The following ADCY9 variants were observed in gnomAD, a reference collection of about 807,000 sequenced individuals.
The protein encoded by ADCY9 is adenylate cyclase 9.
A neutral mutation model predicts 101.5 loss-of-function variants in ADCY9; 50 were observed. That is an observed-to-expected ratio of 0.49 (90% CI 0.39 to 0.62). The LOEUF (loss-of-function observed/expected upper bound fraction) is 0.62. Among genes scored for constraint, ADCY9 ranks in the 20% least tolerant of loss-of-function variants. The probability of loss-of-function intolerance (pLI) is 0.00; values close to 1 mark genes in which losing one functional copy is unlikely to be tolerated. For missense variants in ADCY9, 1,662 were observed against 1,800.4 expected (o/e 0.92, Z 1.39); for synonymous variants, 905 against 769.3 (o/e 1.18, Z -2.92).
intron 2 of ADCY9, among the ~76,000 whole-genome samples, chr16:4,100,839 G>A (rs996718319): frequency 4.0e-5 from 6 of 151,874 alleles, no homozygotes; most frequent in Non-Finnish European, 7.4e-5. Flanking sequence ...AAACACACAC[G>A]GCTCCCAGGA....
intron 2 of ADCY9, among the ~76,000 whole-genome samples, chr16:4,056,754 C>G (rs999761060): frequency 2.0e-5 from 3 of 152,214 alleles, no homozygotes; most frequent in Admixed American, 6.5e-5. Flanking sequence ...CATAGTAAGA[C>G]TTCAACAAAT....
chr16:4,051,884 A>C (rs2056704077), intron 2 of ADCY9, among the ~76,000 whole-genome samples: 1 of 152,230 alleles, frequency 6.6e-6, no homozygotes, highest in South Asian at 2.1e-4. Flanking sequence ...AAGCTTAATG[A>C]GAAACAGGAT....
intron 2 of ADCY9, among the ~76,000 whole-genome samples, chr16:4,055,466 A>G (rs2056731435): frequency 6.6e-6 from 1 of 151,872 alleles, no homozygotes; most frequent in Admixed American, 6.6e-5. Context: ...CCCAGGAGGT[A>G]GAGGTTGCAG....
intron 3 of ADCY9, among the ~76,000 whole-genome samples, chr16:3,995,605 T>C (rs2601793): frequency 0.011 from 1,018 of 93,460 alleles, 8 homozygotes; most frequent in Non-Finnish European, 0.02. Context: ...AGAAATATAT[T>C]TTTTTTTTTT....
At chr16:3,990,190 C>G (rs992132900) in intron 5 of ADCY9, among the ~76,000 whole-genome samples, 2 of 152,240 alleles carry the variant, frequency 1.3e-5, no homozygotes, top group African/African-American at 4.8e-5. Flanking sequence ...CGAGGCTGGG[C>G]GCGGTGGCTC....
rs1456924971 is a variant in ADCY9, at chr16:3,992,236, C to A, written c.2117G>T (p.Ser706Ile). ...LQEKGRWAGV[S>I]LDQSALLPLR... The stretch of plus-strand genomic sequence containing the variant: ...CGGAAGGAGAGCCGACTGGTCCAGG[C>A]TCACCCCTGCCCACCTTCCCTTCTC... Residue 706 changes from serine (S) to isoleucine (I), a missense_variant, in exon 5 of 11, where the codon AGC becomes ATC. By Grantham distance (142) the Ser-to-Ile change is moderately radical. Transcript: ENST00000294016. The surrounding 1 kb of genome is among the most constrained non-coding windows in gnomAD (Gnocchi z 4.2). The A allele has an allele frequency of 1.2e-6, 2 of 1,614,228 alleles. No homozygotes were observed. Among genetic ancestry groups the A allele is most frequent in the South Asian group, 2.2e-5 (2 of 91,086 alleles).
intron 2 of ADCY9, among the ~76,000 whole-genome samples, chr16:4,055,699 C>T (rs572939716): frequency 2.6e-5 from 4 of 151,820 alleles, no homozygotes; most frequent in South Asian, 4.2e-4. Context: ...CCAGGCGTGG[C>T]GCCGGGCGCC....
At position 3,977,584 on chromosome 16, in the gene ADCY9, T is replaced by G. The variant is rs905073122; in HGVS notation, c.2726A>C (p.Tyr909Ser). ...GSAALIAVVH[Y>S]CNFCQLSSWM... ...GGAGCTGAGCTGGCAGAAGTTACAG[T>G]AGTGCACGACGGCAATCAGCGCGGC... is the stretch of plus-strand genomic sequence containing the variant. Residue 909 changes from tyrosine to serine, a missense_variant, in exon 9 of 11, where the codon TAC (tyrosine) becomes TCC (serine). Physicochemically the swap from Tyr to Ser is moderately radical, Grantham distance 144 (BLOSUM62 -2). Transcript: ENST00000294016. 3.7e-6 allele frequency: 6 copies of G among 1,611,946 alleles called. No individual in the cohort carries two copies. Among genetic ancestry groups the G allele is most frequent in the Admixed American group, 1.7e-5 (1 of 59,830 alleles).
rs1326799856 is a variant in ADCY9, at chr16:3,963,946, A to G, written c.*1829T>C. ...TTGGAAGACCAGCAAACTGACAGTCACACCTGACAGGAAACCTTACAGCTA... is the reference window on the plus strand; with the variant it reads ...TTGGAAGACCAGCAAACTGACAGTCGCACCTGACAGGAAACCTTACAGCTA... On this transcript the variant is annotated 3_prime_UTR_variant, in exon 11 of 11. Coordinates refer to ENST00000294016, the MANE Select transcript of ADCY9 (RefSeq NM_001116.4). The G allele has an allele frequency of 1.3e-5, 2 of 152,642 alleles. No homozygotes were observed. Among genetic ancestry groups the G allele is most frequent in the Non-Finnish European group, 2.9e-5 (2 of 68,032 alleles). The allele number at this position is 152,642 out of a possible 1,614,324, so 9.5% of individuals were successfully genotyped here.
chr16:4,115,593 C>G lies in ADCY9; in HGVS notation c.-44+97G>C. ...GGGCGGCTCCAGCACGCGACCTGGA[C>G]AGGCACCATCTGTTCCTGTGGTTCC... On this transcript the variant is annotated intron_variant, in intron 1 of 10. Transcript: ENST00000294016. The surrounding 1 kb of genome is among the most constrained non-coding windows in gnomAD (Gnocchi z 6.2). The G allele has an allele frequency of 1.1e-6, 1 of 907,846 alleles. No homozygotes were observed. 56.2% of individuals were successfully genotyped at this position (907,846 alleles called of 1,614,324 possible). A position where few individuals can be genotyped will look rare whatever the true frequency, so the allele number is the denominator to read the frequency against.
At chr16:4,097,555 T>TATATATATATATATA (rs1567147091) in intron 2 of ADCY9, among the ~76,000 whole-genome samples, 2 of 55,068 alleles carry the variant, frequency 3.6e-5, no homozygotes, top group African/African-American at 2.3e-4. Flanking sequence ...ATATATATAT[T>TATATATATATATATA]TTTTTTTTTT....
At chr16:4,008,052 AC>A (rs1183873792) in intron 2 of ADCY9, among the ~76,000 whole-genome samples, 3 of 152,046 alleles carry the variant, frequency 2.0e-5, no homozygotes, top group Non-Finnish European at 4.4e-5. Flanking sequence ...ACAAGACCCT[AC>A]CAGGGACCAA....
At chr16:3,986,299 A>G (rs1251303927) in intron 6 of ADCY9, among the ~76,000 whole-genome samples, 11 of 152,128 alleles carry the variant, frequency 7.2e-5, no homozygotes, top group Non-Finnish European at 1.2e-4. Context: ...GCCAGCTGGG[A>G]GGCTCCCTTG....
chr16:4,089,633 C>T (rs1157623477), intron 2 of ADCY9, among the ~76,000 whole-genome samples: 2 of 152,012 alleles, frequency 1.3e-5, no homozygotes, highest in Non-Finnish European at 2.9e-5. Flanking sequence ...CGTGCTTAAC[C>T]TTTTGGGGAC....
At chr16:4,105,145 C>T (rs2057068257) in intron 2 of ADCY9, among the ~76,000 whole-genome samples, 1 of 152,038 alleles carries the variant, frequency 6.6e-6, no homozygotes, top group South Asian at 2.1e-4. Context: ...ATGGCAGTGC[C>T]ACCCTTCTCA....
At chr16:4,016,019 C>G (rs2056436474) in intron 2 of ADCY9, among the ~76,000 whole-genome samples, 1 of 151,792 alleles carries the variant, frequency 6.6e-6, no homozygotes, top group African/African-American at 2.4e-5. Flanking sequence ...ATGGTCATAT[C>G]ATAGCACAGG....
Position 3,969,614 on chromosome 16 carries a change from T to TATATATATATATACGTA in ADCY9, c.2871-2649_2871-2648insTACGTATATATATATAT, listed in dbSNP as rs1567414929. ...TATATATATATATATATATATGTAT[T>TATATATATATATACGTA]TTTTTTTTTTTTTAAGAAGAGACAG... On this transcript the variant is annotated intron_variant, in intron 10 of 10. Transcript: ENST00000294016. Among the ~76,000 whole-genome samples the TATATATATATATACGTA allele has an allele frequency of 1.8e-4, 9 of 50,718 alleles. 1 individual carries two copies. The highest frequency in any genetic ancestry group is 9.4e-4 in the South Asian group (2 of 2,124). The allele number at this position is 50,718 out of a possible 152,430, so 33.3% of individuals were successfully genotyped here.
Position 3,993,509 on chromosome 16 carries a change from G to T in ADCY9, c.1886C>A (p.Thr629Asn). The T allele has an allele frequency of 1.9e-6, 3 of 1,613,926 alleles. No homozygotes were observed. Among genetic ancestry groups the T allele is most frequent in the African/African-American group, 1.3e-5 (1 of 75,044 alleles). The change falls in exon 4 of 11, where the codon ACC (threonine) becomes AAC (asparagine). Residue 629 changes from threonine to asparagine, a missense_variant and splice_region_variant. By Grantham distance (65) the Thr-to-Asn change is moderately conservative. This residue lies in a region of ADCY9 where 624 missense variants were observed against 639.1 expected (regional missense o/e 0.98). Coordinates refer to ENST00000294016, the MANE Select transcript of ADCY9 (RefSeq NM_001116.4). Reference sequence around the variant, plus strand: ...AAATGTGATTCCGCACGAAGGGCAGGTCTAGAAGAAAAACACAGACTGTGG... The same window carrying T: ...AAATGTGATTCCGCACGAAGGGCAGTTCTAGAAGAAAAACACAGACTGTGG... ...QTVKTFDNLK[T>N]CPSCGITFAP... is the part of the protein sequence containing the mutation.
chr16:3,962,158 G>C (rs2055944015), downstream of ADCY9, among the ~76,000 whole-genome samples: 1 of 152,194 alleles, frequency 6.6e-6, no homozygotes, highest in Non-Finnish European at 1.5e-5. Context: ...TGTAGAAAAT[G>C]GCATGTGTGT....
Sources: allele counts gnomAD v4.1 joint callset (sites outside exome capture counted in the v4.1 genomes callset), GRCh38; gene constraint gnomAD v4.1.1; regional missense constraint gnomAD v4.1.1; non-coding constraint Gnocchi (gnomAD v3.1); transcripts MANE v1.5; gene names NCBI Gene and HGNC (gene_info 2026-07-23, HGNC 2026-07-21).